SLC15A5: variants seen among roughly 807,000 people sequenced by gnomAD.
The protein encoded by SLC15A5 is solute carrier family 15 member 5.
A neutral mutation model predicts 56.1 loss-of-function variants in SLC15A5; 58 were observed. That is an observed-to-expected ratio of 1.03 (90% CI 0.84 to 1.29). SLC15A5 has a LOEUF of 1.29. Among genes scored for constraint, SLC15A5 ranks in the 50% most tolerant of loss-of-function variants. The pLI is 0.00. For missense variants in SLC15A5, 681 were observed against 672.1 expected, an observed-to-expected ratio of 1.01 and a Z score of -0.15; for synonymous variants, 264 against 250.5, an observed-to-expected ratio of 1.05 and a Z score of -0.51.
At chr12:16,206,470 C>T (rs1189659336) in intron 7 of SLC15A5, among the ~76,000 whole-genome samples, 2 of 152,120 alleles carry the variant, frequency 1.3e-5, no homozygotes, top group African/African-American at 4.8e-5. Context: ...TTCATGATAC[C>T]TGAAGGAAAT....
At chr12:16,274,988 G>A (rs997220202) in intron 1 of SLC15A5, among the ~76,000 whole-genome samples, 5 of 152,044 alleles carry the variant, frequency 3.3e-5, no homozygotes, top group African/African-American at 1.2e-4. Flanking sequence ...CAGTATGCCT[G>A]CATTTAGTAG....
chr12:16,219,756 A>T (rs1246631178), intron 6 of SLC15A5, among the ~76,000 whole-genome samples: 1 of 151,594 alleles, frequency 6.6e-6, no homozygotes, highest in East Asian at 1.9e-4. Flanking sequence ...CATCAATTTG[A>T]TTTTTTTTAG....
chr12:16,230,556 A>T lies in SLC15A5; in HGVS notation c.1163-5954T>A, dbSNP rs572150620. Among the ~76,000 whole-genome samples, 33 of 152,254 alleles carry T rather than the reference A, an allele frequency of 2.2e-4. No individual in the cohort carries two copies. The South Asian group carries it at 6.8e-3, about 32-fold the overall frequency. ...TATTCAATTTGTTTACAAAATTTAGATGAATTTTTAATTATTTACACCCAG... is the reference window on the plus strand; with the variant it reads ...TATTCAATTTGTTTACAAAATTTAGTTGAATTTTTAATTATTTACACCCAG... On this transcript the variant is annotated intron_variant, in intron 5 of 8. Coordinates refer to ENST00000344941, the MANE Select transcript of SLC15A5 (RefSeq NM_001170798.1).
chr12:16,272,532 T>C (rs1311673489), intron 2 of SLC15A5, 29 bp downstream of exon 2: 1 of 1,529,112 alleles, frequency 6.5e-7, no homozygotes, highest in Non-Finnish European at 8.8e-7. Context: ...GTCATAAGCC[T>C]CTTTTCTCTC....
chr12:16,261,692 CAT>C (rs1278697245), intron 2 of SLC15A5, among the ~76,000 whole-genome samples: 1 of 152,126 alleles, frequency 6.6e-6, no homozygotes, highest in Non-Finnish European at 1.5e-5. Flanking sequence ...ATTATCACAA[CAT>C]GTGTATGAGA....
At chr12:16,223,720 G>C (rs1183416230) in intron 6 of SLC15A5, among the ~76,000 whole-genome samples, 14 of 113,150 alleles carry the variant, frequency 1.2e-4, no homozygotes, top group Admixed American at 6.8e-4. Context: ...GTATAAATGA[G>C]CTTTTTTTTT....
rs5796661 is a variant in SLC15A5, at chr12:16,259,024, C to CTTTTTT, written c.585-1160_585-1155dup. On this transcript the variant is annotated intron_variant, in intron 2 of 8. Coordinates refer to ENST00000344941, the MANE Select transcript of SLC15A5 (RefSeq NM_001170798.1). ...TTTTTCTTTTTCTTTTCTTTCTTTC[C>CTTTTTT]TTTTTTTTTTTTTTTTTTTTTTTTT... Among the ~76,000 whole-genome samples, 18 of 63,216 alleles carry CTTTTTT rather than the reference C, an allele frequency of 2.8e-4. 1 individual carries two copies. The highest frequency in any genetic ancestry group is 1.1e-3 in the East Asian group (2 of 1,778). 41.5% of individuals were successfully genotyped at this position (63,216 alleles called of 152,430 possible).
At chr12:16,228,219 A>G (rs1248424445) in intron 5 of SLC15A5, among the ~76,000 whole-genome samples, 1 of 152,178 alleles carries the variant, frequency 6.6e-6, no homozygotes, top group Non-Finnish European at 1.5e-5. Flanking sequence ...GAGAAAAAAT[A>G]ATGAGTCATC....
Position 16,237,903 on chromosome 12 carries a change from A to T in SLC15A5, c.1162+1778T>A, listed in dbSNP as rs533548525. Among the ~76,000 whole-genome samples, 2 of 152,288 alleles carry T rather than the reference A, an allele frequency of 1.3e-5. No individual in the cohort carries two copies. The highest frequency in any genetic ancestry group is 4.1e-4 in the South Asian group (2 of 4,826). On this transcript the variant is annotated intron_variant, in intron 5 of 8. Coordinates refer to ENST00000344941, the MANE Select transcript of SLC15A5 (RefSeq NM_001170798.1). This position sits in a 1 kb window ranked among gnomAD's most constrained non-coding sequence, Gnocchi z 4.1. The stretch of plus-strand genomic sequence containing the variant: ...TGAAGGTATATACAAACCATGTCTT[A>T]CTTTTCCTTTTTTATCTTTATTTTA...
intron 3 of SLC15A5, among the ~76,000 whole-genome samples, chr12:16,252,671 A>G (rs1484901815): frequency 6.6e-6 from 1 of 152,088 alleles, no homozygotes; most frequent in Admixed American, 6.6e-5. Context: ...AATAAATGGA[A>G]AGATATCCTG....
chr12:16,246,789 C>T (rs573567643), intron 3 of SLC15A5, among the ~76,000 whole-genome samples: 36 of 152,124 alleles, frequency 2.4e-4, no homozygotes, highest in Admixed American at 9.8e-4. Flanking sequence ...CTTGGATCTG[C>T]TTCTAATACA....
chr12:16,223,572 A>G (rs1341994372), intron 6 of SLC15A5, among the ~76,000 whole-genome samples: 1 of 152,222 alleles, frequency 6.6e-6, no homozygotes, highest in East Asian at 1.9e-4. Flanking sequence ...AACCTGTCTT[A>G]TGAAACATTA....
intron 7 of SLC15A5, among the ~76,000 whole-genome samples, chr12:16,209,323 T>C (rs919047465): frequency 1.3e-5 from 2 of 152,114 alleles, no homozygotes; most frequent in Non-Finnish European, 2.9e-5. Context: ...CTTCCAGCTT[T>C]CTGGCTGCTA....
chr12:16,206,792 C>T (rs894584273), intron 7 of SLC15A5, among the ~76,000 whole-genome samples: 13 of 152,074 alleles, frequency 8.5e-5, no homozygotes, highest in Non-Finnish European at 1.9e-4. Flanking sequence ...GTTGCTGTTT[C>T]CAGGAAGGAA....
Position 16,269,163 on chromosome 12 carries a change from T to A in SLC15A5, c.584+3398A>T, listed in dbSNP as rs1026707119. Among the ~76,000 whole-genome samples, 3 of 152,180 alleles carry A rather than the reference T, an allele frequency of 2.0e-5. No homozygotes were observed. The highest frequency in any genetic ancestry group is 4.4e-5 in the Non-Finnish European group (3 of 68,026). On this transcript the variant is annotated intron_variant, in intron 2 of 8. Coordinates refer to ENST00000344941, the MANE Select transcript of SLC15A5 (RefSeq NM_001170798.1). The surrounding 1 kb of genome is among the most constrained non-coding windows in gnomAD (Gnocchi z 4.7). ...TATAAGCCAGCCAATCTCTGCTGAT[T>A]TGTTATTGCAGCCTGAATAGACTAA...
At chr12:16,239,635 A>G (rs1403899576) in intron 5 of SLC15A5, 46 bp downstream of exon 5, 4 of 1,506,860 alleles carry the variant, frequency 2.7e-6, no homozygotes, top group Admixed American at 4.0e-5. Context: ...ATGTTGTTTT[A>G]AAAAAGTTTC....
chr12:16,223,126 G>C (rs767101933), intron 6 of SLC15A5, among the ~76,000 whole-genome samples: 1 of 150,412 alleles, frequency 6.6e-6, no homozygotes, highest in East Asian at 2.0e-4. Context: ...AAGTATGTGT[G>C]TGTATAAATA....
Position 16,188,502 on chromosome 12 carries a change from T to G in SLC15A5, c.*1166A>C, listed in dbSNP as rs1400438610. 6.6e-6 allele frequency: 1 copy of G among 152,252 alleles called. No individual in the cohort carries two copies. The highest frequency in any genetic ancestry group is 2.4e-5 in the African/African-American group (1 of 41,466). The allele number at this position is 152,252 out of a possible 1,614,324, so 9.4% of individuals were successfully genotyped here. The stretch of plus-strand genomic sequence containing the variant: ...ATACCTAATCAAGTTGAGTAAATCT[T>G]TTATTCTACAGACCTAAAATATTTT... On this transcript the variant is annotated 3_prime_UTR_variant, in exon 9 of 9. Transcript: ENST00000344941.
At chr12:16,258,709 A>G (rs1201957453) in intron 2 of SLC15A5, among the ~76,000 whole-genome samples, 2 of 152,196 alleles carry the variant, frequency 1.3e-5, no homozygotes, top group South Asian at 4.1e-4. Context: ...CACTTACACT[A>G]TCATTAAAAT....
Sources: gnomAD v4.1 joint callset for allele counts (sites outside exome capture counted in the v4.1 genomes callset) on GRCh38, gnomAD v4.1.1 for gene constraint, Gnocchi (gnomAD v3.1) non-coding constraint, MANE v1.5 for transcripts, NCBI Gene and HGNC (gene_info 2026-07-23, HGNC 2026-07-21) for gene names.